The following ZNF138 variants were observed in gnomAD, a reference collection of about 807,000 sequenced individuals.
ZNF138 encodes zinc finger protein 138, also known as zinc finger protein 138 (clone pHZ-32).
Under a neutral mutation model 33.0 loss-of-function variants are expected in ZNF138, and 33 were observed. That is an observed-to-expected ratio of 1.00 (90% CI 0.76 to 1.34). The LOEUF (loss-of-function observed/expected upper bound fraction) is 1.34. Ranked by LOEUF, ZNF138 falls within the 40% of genes most tolerant of loss-of-function variation. The pLI is 0.00. For synonymous variants in ZNF138, 139 were observed against 120.4 expected (o/e 1.15, Z -1.01); for missense variants, 360 against 370.8 (o/e 0.97, Z 0.24).
At chr7:64,826,278 A>C (rs1001558377) in intron 3 of ZNF138, among the ~76,000 whole-genome samples, 2 of 151,178 alleles carry the variant, frequency 1.3e-5, no homozygotes, top group African/African-American at 4.9e-5. Flanking sequence ...TTGATTATTT[A>C]TTTGTTTATT....
Position 64,832,588 on chromosome 7 carries a change from G to T in ZNF138, c.*386G>T. On this transcript the variant is annotated 3_prime_UTR_variant, in exon 4 of 4. Transcript: ENST00000307355. ...CACAGTGGAGAAAAACCCTACAAATGTGAAGAATGTGGCAAAGCTTTTAAC... is the reference window on the plus strand; with the variant it reads ...CACAGTGGAGAAAAACCCTACAAATTTGAAGAATGTGGCAAAGCTTTTAAC... 1.9e-6 allele frequency: 1 copy of T among 525,202 alleles called. No homozygotes were observed. The highest frequency in any genetic ancestry group is 3.5e-6 in the Non-Finnish European group (1 of 283,938). 32.5% of individuals were successfully genotyped at this position (525,202 alleles called of 1,614,324 possible).
At chr7:64,851,801 T>C in the ZNF138 span, among the ~76,000 whole-genome samples, 1 of 152,110 alleles carries the variant, frequency 6.6e-6, no homozygotes, top group Non-Finnish European at 1.5e-5. Context: ...CTTCAAAGTG[T>C]TTTCCAAGCA....
chr7:64,797,015 A>G (rs1786742404), intron 1 of ZNF138, among the ~76,000 whole-genome samples: 1 of 152,182 alleles, frequency 6.6e-6, no homozygotes, highest in Non-Finnish European at 1.5e-5. Flanking sequence ...GTGCGGCTGC[A>G]CTCCACCTTG....
At chr7:64,842,313 C>G in the ZNF138 span, among the ~76,000 whole-genome samples, 1 of 125,234 alleles carries the variant, frequency 8.0e-6, no homozygotes, top group Admixed American at 7.6e-5. Context: ...CTGCCCTCCT[C>G]TGCCTCCCAA....
the ZNF138 span, among the ~76,000 whole-genome samples, chr7:64,839,881 C>G: frequency 6.6e-6 from 1 of 152,042 alleles, no homozygotes; most frequent in African/African-American, 2.4e-5. Flanking sequence ...CAAAAATCTT[C>G]TTTATTGAGC....
downstream of ZNF138, among the ~76,000 whole-genome samples, chr7:64,838,454 G>C (rs1397406095): frequency 2.0e-5 from 3 of 152,146 alleles, no homozygotes; most frequent in African/African-American, 7.2e-5. Flanking sequence ...GTGCCAGACG[G>C]GGCCTGGGAG....
At chr7:64,857,861 G>A in the ZNF138 span, among the ~76,000 whole-genome samples, 2 of 152,108 alleles carry the variant, frequency 1.3e-5, no homozygotes, top group Admixed American at 6.6e-5. Flanking sequence ...ATATAAAGTG[G>A]AGACAGCATT....
intron 1 of ZNF138, among the ~76,000 whole-genome samples, chr7:64,806,388 A>G (rs1787598553): frequency 6.6e-6 from 1 of 152,186 alleles, no homozygotes; most frequent in Non-Finnish European, 1.5e-5. Flanking sequence ...TTCAGAGACC[A>G]TGGGGCCCAG....
intron 3 of ZNF138, among the ~76,000 whole-genome samples, chr7:64,828,050 G>A (rs1198622903): frequency 6.6e-6 from 1 of 151,980 alleles, no homozygotes; most frequent in Non-Finnish European, 1.5e-5. Flanking sequence ...GTGAATGGTT[G>A]TTTAATCTTG....
At chr7:64,806,592 T>A (rs1291010697) in intron 1 of ZNF138, among the ~76,000 whole-genome samples, 3 of 105,980 alleles carry the variant, frequency 2.8e-5, no homozygotes, top group Admixed American at 9.8e-5. Flanking sequence ...AAACAAACAT[T>A]TATTTGAGAA....
chr7:64,834,825 ATT>A (rs1028439334), downstream of ZNF138, among the ~76,000 whole-genome samples: 18 of 152,296 alleles, frequency 1.2e-4, no homozygotes, highest in African/African-American at 3.8e-4. Context: ...AAACAAAATA[ATT>A]TTAGTTAAAA....
At chr7:64,826,343 G>A (rs574516861) in intron 3 of ZNF138, among the ~76,000 whole-genome samples, 5 of 150,854 alleles carry the variant, frequency 3.3e-5, no homozygotes, top group African/African-American at 9.8e-5. Context: ...GCAATGGCAC[G>A]ATGTTGTCTC....
Position 64,831,709 on chromosome 7 carries a change from G to A in ZNF138, c.467G>A (p.Arg156Lys), listed in dbSNP as rs1250272394. The change falls in exon 4 of 4, where the codon AGA becomes AAA. Residue 156 changes from arginine (R) to lysine (K), a missense_variant. Physicochemically the swap from Arg to Lys is conservative, Grantham distance 26. Transcript: ENST00000307355. The part of the protein sequence containing the change: ...KVMHKFSNSN[R>K]HKIRHTENKH... ...ATGCATAAATTTTCAAATTCAAATAGACACAAGATAAGACATACTGAAAAT... is the reference window on the plus strand; with the variant it reads ...ATGCATAAATTTTCAAATTCAAATAAACACAAGATAAGACATACTGAAAAT... 10 of 1,609,008 alleles carry A rather than the reference G, an allele frequency of 6.2e-6. No homozygotes were observed. The highest frequency in any genetic ancestry group is 8.5e-6 in the Non-Finnish European group (10 of 1,178,328).
intron 1 of ZNF138, among the ~76,000 whole-genome samples, chr7:64,802,443 ATG>A (rs1787208589): frequency 6.6e-6 from 1 of 152,198 alleles, no homozygotes; most frequent in South Asian, 2.1e-4. Context: ...TGTCTATAGA[ATG>A]TACATTTTTC....
intron 1 of ZNF138, among the ~76,000 whole-genome samples, chr7:64,813,829 C>T (rs1046212660): frequency 5.9e-5 from 9 of 152,050 alleles, no homozygotes; most frequent in African/African-American, 1.2e-4. Context: ...GCATCAACAC[C>T]GCATAAAATT....
Position 64,815,610 on chromosome 7 carries a change from C to T in ZNF138, c.165C>T (p.Pro55=). The T allele has an allele frequency of 6.2e-7, 1 of 1,612,486 alleles. No individual in the cohort carries two copies. Among genetic ancestry groups the T allele is most frequent in the Non-Finnish European group, 8.5e-7 (1 of 1,179,290 alleles). ...LITCLEQGKE[P]WNMKRHEMVV... is the part of the protein sequence containing the mutation. ...CCTGTCTGGAACAAGGAAAAGAGCC[C>T]TGGAATATGAAGAGACATGAGATGG... Residue 55 remains proline, a synonymous_variant, in exon 3 of 4, where the codon CCC becomes CCT. Transcript: ENST00000307355.
intron 3 of ZNF138, among the ~76,000 whole-genome samples, chr7:64,822,402 C>T (rs1358991518): frequency 6.6e-6 from 1 of 151,446 alleles, no homozygotes; most frequent in African/African-American, 2.4e-5. Context: ...TTTTTTCTTA[C>T]ATTCATTTCT....
At chr7:64,811,705 G>C (rs899093720) in intron 1 of ZNF138, among the ~76,000 whole-genome samples, 1 of 152,188 alleles carries the variant, frequency 6.6e-6, no homozygotes, top group Admixed American at 6.5e-5. Context: ...TATGAAAATT[G>C]ATTATCTTCA....
the ZNF138 span, among the ~76,000 whole-genome samples, chr7:64,854,371 G>A: frequency 6.6e-6 from 1 of 152,176 alleles, no homozygotes; most frequent in African/African-American, 2.4e-5. Flanking sequence ...CTGCGAAGCA[G>A]CTGAAACTAC....
Sources: gnomAD v4.1 joint callset for allele counts (sites outside exome capture counted in the v4.1 genomes callset) on GRCh38, gnomAD v4.1.1 for gene constraint, MANE v1.5 for transcripts, NCBI Gene and HGNC (gene_info 2026-07-23, HGNC 2026-07-21) for gene names.